Variants in DLG2 observed in about 807,000 individuals in gnomAD.
The protein encoded by DLG2 is discs large MAGUK scaffold protein 2.
A neutral mutation model predicts 132.5 loss-of-function variants in DLG2; 45 were observed. The observed-to-expected ratio is 0.34, with a 90% CI of 0.27 to 0.44. The LOEUF is 0.44. Among genes scored for constraint, DLG2 ranks in the 20% least tolerant of loss-of-function variants. DLG2 has a pLI of 1.00. For synonymous variants in DLG2, 424 were observed against 419.6 expected (o/e 1.01, Z -0.13); for missense variants, 1,045 against 1,196.9 (o/e 0.87, Z 1.87).
At chr11:83,727,459 G>A (rs1247546713) in intron 18 of DLG2, among the ~76,000 whole-genome samples, 1 of 152,206 alleles carries the variant, frequency 6.6e-6, no homozygotes, top group Non-Finnish European at 1.5e-5. Flanking sequence ...GGATTCAGGT[G>A]CAACAGGTGC....
At chr11:84,065,776 C>T (rs1300452705) in intron 10 of DLG2, among the ~76,000 whole-genome samples, 1 of 152,166 alleles carries the variant, frequency 6.6e-6, no homozygotes, top group Non-Finnish European at 1.5e-5. Context: ...ATATGTTCAA[C>T]ACAGCACCAT....
At chr11:84,627,210 A>G (rs1341835305) in intron 6 of DLG2, among the ~76,000 whole-genome samples, 2 of 152,166 alleles carry the variant, frequency 1.3e-5, no homozygotes, top group East Asian at 3.9e-4. Context: ...TATATTAGCA[A>G]CCTAACATTG....
chr11:85,108,728 A>T (rs1171028499), intron 6 of DLG2, among the ~76,000 whole-genome samples: 1 of 151,992 alleles, frequency 6.6e-6, no homozygotes, highest in South Asian at 2.1e-4. Context: ...TCTAGGGGAG[A>T]CTCAGTAAAC....
At chr11:85,222,219 G>A (rs1313913233) in intron 4 of DLG2, among the ~76,000 whole-genome samples, 1 of 152,040 alleles carries the variant, frequency 6.6e-6, no homozygotes, top group Non-Finnish European at 1.5e-5. Context: ...GCCTGTCTTG[G>A]CCTCCCAAAG....
rs192861038 is a variant in DLG2, at chr11:84,695,116, T to C, written c.358-160385A>G. On this transcript the variant is annotated intron_variant, in intron 6 of 27. Coordinates refer to ENST00000376104, the MANE Select transcript of DLG2 (RefSeq NM_001142699.3). ...CCCCCTTCTTTGCTTAAAATCACAA[T>C]AGCCATCTGTGCAAAGCTGCTATTG... Among the ~76,000 whole-genome samples, 651 of 151,602 alleles carry C rather than the reference T, an allele frequency of 4.3e-3. 6 individuals carry two copies. Among genetic ancestry groups the C allele is most frequent in the African/African-American group, 0.015 (632 of 41,456 alleles).
intron 19 of DLG2, among the ~76,000 whole-genome samples, chr11:83,553,480 C>T (rs1439495907): frequency 9.4e-6 from 1 of 105,884 alleles, no homozygotes; most frequent in Admixed American, 1.1e-4. Context: ...AAGAAGTAAG[C>T]ACCGTGTGTG....
intron 6 of DLG2, among the ~76,000 whole-genome samples, chr11:85,106,674 T>A (rs2071805190): frequency 6.6e-6 from 1 of 152,000 alleles, no homozygotes; most frequent in Non-Finnish European, 1.5e-5. Flanking sequence ...TTATTTCATG[T>A]AAATCTCAAA....
At chr11:84,249,944 G>T (rs1035827709) in intron 8 of DLG2, among the ~76,000 whole-genome samples, 3 of 152,098 alleles carry the variant, frequency 2.0e-5, no homozygotes, top group Non-Finnish European at 2.9e-5. Context: ...TTATAATCAA[G>T]TCCCAACCTT....
In DLG2 at chr11:85,400,560, A is replaced by G. The variant is rs1458696401; in HGVS notation, c.41-115195T>C. 1.2e-4 allele frequency among the ~76,000 whole-genome samples: 18 copies of G among 148,934 alleles called. No homozygotes were observed. The East Asian group carries it at 3.3e-3, about 28-fold the overall frequency. On this transcript the variant is annotated intron_variant, in intron 3 of 27. Transcript: ENST00000376104. Reference sequence around the variant, plus strand: ...ATGTCCGACAATGATAGACTGGATTAAGAAAATGTGGCACATATACACCAT... The same window carrying G: ...ATGTCCGACAATGATAGACTGGATTGAGAAAATGTGGCACATATACACCAT...
At chr11:84,385,230 T>A (rs2098764938) in intron 7 of DLG2, among the ~76,000 whole-genome samples, 1 of 152,050 alleles carries the variant, frequency 6.6e-6, no homozygotes, top group Non-Finnish European at 1.5e-5. Flanking sequence ...TTTTTTAATC[T>A]CTTTAAAGAG....
intron 6 of DLG2, among the ~76,000 whole-genome samples, chr11:85,093,574 C>A (rs1397518513): frequency 6.6e-6 from 1 of 152,164 alleles, no homozygotes; most frequent in Non-Finnish European, 1.5e-5. Flanking sequence ...CTGGGGAGGC[C>A]TCACAATCAT....
At chr11:85,422,455 T>C (rs1269458930) in intron 3 of DLG2, among the ~76,000 whole-genome samples, 3 of 152,122 alleles carry the variant, frequency 2.0e-5, no homozygotes, top group Admixed American at 6.5e-5. Flanking sequence ...ATTTCTTTCT[T>C]CTACTTGTTC....
intron 7 of DLG2, among the ~76,000 whole-genome samples, chr11:84,409,187 C>T (rs1314060842): frequency 6.6e-6 from 1 of 152,188 alleles, no homozygotes; most frequent in Non-Finnish European, 1.5e-5. Flanking sequence ...CTTCTCTATT[C>T]TGCTCTGCAA....
chr11:85,511,140 C>T (rs2094057273), intron 3 of DLG2, among the ~76,000 whole-genome samples: 1 of 151,998 alleles, frequency 6.6e-6, no homozygotes, highest in African/African-American at 2.4e-5. Context: ...CCGAACACCG[C>T]ATGTTCTCAC....
intron 7 of DLG2, among the ~76,000 whole-genome samples, chr11:84,335,195 G>C (rs1441285655): frequency 1.3e-5 from 2 of 148,670 alleles, no homozygotes; most frequent in East Asian, 2.0e-4. Context: ...GAAGGGGAAG[G>C]GAAGGGAAAG....
chr11:83,936,071 C>A (rs576085556), intron 14 of DLG2, among the ~76,000 whole-genome samples: 31 of 152,306 alleles, frequency 2.0e-4, no homozygotes, highest in African/African-American at 7.0e-4. Flanking sequence ...GGATGCATAA[C>A]CTCAGAAAAT....
At chr11:85,083,658 T>A (rs905910782) in intron 6 of DLG2, among the ~76,000 whole-genome samples, 2 of 152,110 alleles carry the variant, frequency 1.3e-5, no homozygotes, top group South Asian at 4.1e-4. Context: ...ATTCAAAGAT[T>A]TTCTGGTTAG....
At chr11:83,541,549 A>G (rs762217493) in intron 20 of DLG2, 133 bp downstream of exon 20, 5 of 853,390 alleles carry the variant, frequency 5.9e-6, no homozygotes, top group Non-Finnish European at 8.4e-6. Context: ...ACCACTGACA[A>G]TTTTCCTGCA....
At chr11:85,331,453 C>G (rs2081739931) in intron 3 of DLG2, among the ~76,000 whole-genome samples, 1 of 151,986 alleles carries the variant, frequency 6.6e-6, no homozygotes, top group Admixed American at 6.6e-5. Flanking sequence ...GCCTGGTTTT[C>G]TTTTTTATTT....
Sources: gnomAD v4.1 joint callset for allele counts (sites outside exome capture counted in the v4.1 genomes callset) on GRCh38, gnomAD v4.1.1 for gene constraint, MANE v1.5 for transcripts, NCBI Gene and HGNC (gene_info 2026-07-23, HGNC 2026-07-21) for gene names.